The following EPHA3 variants were observed in gnomAD, a reference collection of about 807,000 sequenced individuals.
EPHA3 encodes ephrin type-A receptor 3.
A neutral mutation model predicts 107.1 loss-of-function variants in EPHA3; 42 were observed. The observed-to-expected ratio is 0.39, with a 90% confidence interval of 0.31 to 0.51. EPHA3 has a LOEUF of 0.51. EPHA3 is among the 20% of genes least tolerant of loss of function. The pLI is 0.78. For missense variants in EPHA3, 1,183 were observed against 1,211.2 expected, an observed-to-expected ratio of 0.98 and a Z score of 0.35; for synonymous variants, 461 against 424.8, an observed-to-expected ratio of 1.09 and a Z score of -1.05.
Position 89,210,006 on chromosome 3 carries a change from G to A in EPHA3, c.300G>A (p.Lys100=), listed in dbSNP as rs1294076209. 1.2e-6 allele frequency: 2 copies of A among 1,614,012 alleles called. No homozygotes were observed. The highest frequency in any genetic ancestry group is 1.7e-6 in the Non-Finnish European group (2 of 1,179,948). The change falls in exon 3 of 17, where the codon AAG becomes AAA. Residue 100 remains lysine, a synonymous_variant. Transcript: ENST00000336596. ...NSAQKIYVEL[K]FTLRDCNSIP... is the part of the protein sequence containing the mutation. ...CTCAGAAGATTTATGTGGAGCTCAA[G>A]TTCACTCTACGAGACTGCAATAGCA... is the stretch of plus-strand genomic sequence containing the variant.
At chr3:89,208,419 G>GAAGGAAGA (rs1175215472) in intron 2 of EPHA3, among the ~76,000 whole-genome samples, 2 of 36,566 alleles carry the variant, frequency 5.5e-5, no homozygotes. Flanking sequence ...AGGAAGGAAG[G>GAAGGAAGA]AAGGAAGAAA....
At chr3:89,150,633 A>T (rs1704671727) in intron 2 of EPHA3, among the ~76,000 whole-genome samples, 1 of 152,088 alleles carries the variant, frequency 6.6e-6, no homozygotes, top group Non-Finnish European at 1.5e-5. Flanking sequence ...AAATGGATCC[A>T]TATTCTATGT....
chr3:89,394,912 C>T (rs192095208), intron 5 of EPHA3, among the ~76,000 whole-genome samples: 10 of 152,178 alleles, frequency 6.6e-5, no homozygotes, highest in Admixed American at 4.6e-4. Flanking sequence ...TTTCGATTGG[C>T]GAGTGAACCA....
chr3:89,202,531 AAAAATAT>A (rs1337551101), intron 2 of EPHA3, among the ~76,000 whole-genome samples: 198 of 24,732 alleles, frequency 8.0e-3, no homozygotes, highest in African/African-American at 0.013. Context: ...AAAAAAAAAA[AAAAATAT>A]ATATATATAT....
At chr3:89,166,722 A>C (rs1293799528) in intron 2 of EPHA3, among the ~76,000 whole-genome samples, 2 of 151,994 alleles carry the variant, frequency 1.3e-5, no homozygotes, top group African/African-American at 2.4e-5. Flanking sequence ...GACATATCAG[A>C]AATGTCGTAC....
chr3:89,108,368 G>A (rs1386006016), intron 1 of EPHA3, among the ~76,000 whole-genome samples: 5 of 152,202 alleles, frequency 3.3e-5, no homozygotes, highest in African/African-American at 1.2e-4. Flanking sequence ...CTGTGTTGAA[G>A]TTGTGTGTAT....
chr3:89,466,810 G>A (rs1710286426), intron 15 of EPHA3, among the ~76,000 whole-genome samples: 1 of 140,512 alleles, frequency 7.1e-6, no homozygotes, highest in Non-Finnish European at 1.6e-5. Context: ...CACGCTGGGA[G>A]CTGTAGACCG....
chr3:89,322,465 C>T (rs1237913480), intron 3 of EPHA3, among the ~76,000 whole-genome samples: 1 of 152,002 alleles, frequency 6.6e-6, no homozygotes, highest in East Asian at 1.9e-4. Context: ...AGCGATGGTA[C>T]TGTACTTACT....
At chr3:89,342,961 C>A (rs1707565597) in intron 5 of EPHA3, among the ~76,000 whole-genome samples, 1 of 151,864 alleles carries the variant, frequency 6.6e-6, no homozygotes, top group Non-Finnish European at 1.5e-5. Flanking sequence ...CAGAGAACTA[C>A]CGATTCTCCA....
chr3:89,301,810 C>T (rs1253713875), intron 3 of EPHA3, among the ~76,000 whole-genome samples: 1 of 151,914 alleles, frequency 6.6e-6, no homozygotes, highest in Admixed American at 6.6e-5. Flanking sequence ...AAATGATAGT[C>T]CGGAATATTA....
In EPHA3 at chr3:89,450,307, G is replaced by A. The variant is rs2107555299; in HGVS notation, c.2627G>A (p.Ser876Asn). 3.7e-6 allele frequency: 6 copies of A among 1,614,030 alleles called. No homozygotes were observed. Among genetic ancestry groups the A allele is most frequent in the Non-Finnish European group, 5.1e-6 (6 of 1,179,946 alleles). The change falls in exon 15 of 17, where the codon AGT (serine) becomes AAT (asparagine). Residue 876 changes from serine to asparagine, a missense_variant. Physicochemically the swap from Ser to Asn is conservative, Grantham distance 46. Coordinates refer to ENST00000336596, the MANE Select transcript of EPHA3 (RefSeq NM_005233.6). ...AGACCCAAGTTTGAGCAGATTGTTAGTATTCTGGACAAGCTTATCCGGAAT... is the reference window on the plus strand; with the variant it reads ...AGACCCAAGTTTGAGCAGATTGTTAATATTCTGGACAAGCTTATCCGGAAT... ...NNRPKFEQIVSILDKLIRNPG... is the reference protein window; with the variant it reads ...NNRPKFEQIVNILDKLIRNPG...
chr3:89,425,334 A>G lies in EPHA3; in HGVS notation c.2075-3772A>G, dbSNP rs536844719. On this transcript the variant is annotated intron_variant, in intron 11 of 16. Coordinates refer to ENST00000336596, the MANE Select transcript of EPHA3 (RefSeq NM_005233.6). ...TATGATACATTTTTTATTCTCATCA[A>G]AGATGATTCAAATCTTCTTTCCTGG... Among the ~76,000 whole-genome samples the G allele has an allele frequency of 3.8e-3, 579 of 151,404 alleles. 2 individuals carry two copies. Among genetic ancestry groups the G allele is most frequent in the Middle Eastern group, 6.8e-3 (2 of 294 alleles).
At chr3:89,235,403 A>C (rs1000350344) in intron 3 of EPHA3, among the ~76,000 whole-genome samples, 1 of 152,180 alleles carries the variant, frequency 6.6e-6, no homozygotes. Context: ...TTTTACATAA[A>C]TATATCAACC....
At chr3:89,292,958 C>T (rs1361109831) in intron 3 of EPHA3, among the ~76,000 whole-genome samples, 2 of 152,106 alleles carry the variant, frequency 1.3e-5, no homozygotes, top group Non-Finnish European at 2.9e-5. Context: ...TGTATCTCTG[C>T]CTGCTGTGTA....
rs143599961 is a variant in EPHA3, at chr3:89,207,344, G to T, written c.154-2516G>T. Among the ~76,000 whole-genome samples the T allele has an allele frequency of 9.9e-5, 15 of 152,124 alleles. No individual in the cohort carries two copies. In the East Asian group the frequency reaches 2.9e-3, roughly 29 times the overall value. ...AGGGACTGCTGAAGGAGAAAAGGAG[G>T]GAGGCAACAAGAATTGAAAAACTAA... On this transcript the variant is annotated intron_variant, in intron 2 of 16. Coordinates refer to ENST00000336596, the MANE Select transcript of EPHA3 (RefSeq NM_005233.6).
At chr3:89,318,317 A>G (rs887340774) in intron 3 of EPHA3, among the ~76,000 whole-genome samples, 5 of 151,902 alleles carry the variant, frequency 3.3e-5, no homozygotes, top group Middle Eastern at 3.2e-3. Context: ...TCAAGGTATA[A>G]TTTGTACTTT....
intron 3 of EPHA3, among the ~76,000 whole-genome samples, chr3:89,300,106 G>A (rs1706447422): frequency 6.6e-6 from 1 of 151,632 alleles, no homozygotes. Flanking sequence ...TCGATAATTG[G>A]GATTACTTAA....
intron 13 of EPHA3, among the ~76,000 whole-genome samples, chr3:89,435,690 T>A (rs985434151): frequency 3.4e-4 from 51 of 148,938 alleles, no homozygotes; most frequent in Admixed American, 3.0e-3. Flanking sequence ...CGGTGGCTCA[T>A]GCCTGTAATC....
intron 11 of EPHA3, among the ~76,000 whole-genome samples, chr3:89,428,671 CA>C (rs1439803558): frequency 3.3e-5 from 5 of 151,996 alleles, no homozygotes; most frequent in Non-Finnish European, 7.4e-5. Flanking sequence ...ACACCTAGCA[CA>C]GTGCCCTACA....
Sources: gnomAD v4.1 joint callset for allele counts (sites outside exome capture counted in the v4.1 genomes callset) on GRCh38, gnomAD v4.1.1 for gene constraint, MANE v1.5 for transcripts, NCBI Gene and HGNC (gene_info 2026-07-23, HGNC 2026-07-21) for gene names.